MRTFB: variants seen among roughly 807,000 people sequenced by gnomAD.
MRTFB encodes myocardin-related transcription factor B.
MRTFB carries 29 observed loss-of-function variants against 104.2 expected under a neutral mutation model. That is an observed-to-expected ratio of 0.28 (90% CI 0.21 to 0.38). MRTFB has a LOEUF of 0.38. Ranked by LOEUF, MRTFB falls within the 10% of genes least tolerant of loss-of-function variation. The pLI is 1.00. For synonymous variants in MRTFB, 535 were observed against 519.5 expected (o/e 1.03, Z -0.41); for missense variants, 1,270 against 1,341.6 (o/e 0.95, Z 0.83).
chr16:14,072,287 C>G (rs2033753829), intron 1 of MRTFB, among the ~76,000 whole-genome samples: 1 of 152,142 alleles, frequency 6.6e-6, no homozygotes, highest in African/African-American at 2.4e-5. Context: ...CTACACACAT[C>G]CTTGAAAAGC....
chr16:14,139,944 C>T (rs1403354284), intron 2 of MRTFB, among the ~76,000 whole-genome samples: 1 of 152,186 alleles, frequency 6.6e-6, no homozygotes, highest in Non-Finnish European at 1.5e-5. Flanking sequence ...TTTGGTACTT[C>T]TGTTGCTGAT....
the MRTFB span, among the ~76,000 whole-genome samples, chr16:14,033,166 A>G: frequency 6.6e-6 from 1 of 152,090 alleles, no homozygotes; most frequent in African/African-American, 2.4e-5. Flanking sequence ...TTCGGGAGCC[A>G]AGGTGGGAGC....
chr16:14,065,779 C>G, the MRTFB span, among the ~76,000 whole-genome samples: 2 of 152,110 alleles, frequency 1.3e-5, no homozygotes, highest in African/African-American at 4.8e-5. Context: ...TTTTAAGGCT[C>G]TGGTCCACCC....
At chr16:14,163,702 G>A (rs935494297) in intron 3 of MRTFB, among the ~76,000 whole-genome samples, 2 of 151,746 alleles carry the variant, frequency 1.3e-5, no homozygotes, top group Non-Finnish European at 2.9e-5. Flanking sequence ...GTGTGGTGGC[G>A]GGCACCTGTA....
chr16:14,004,016 G>A, the MRTFB span, among the ~76,000 whole-genome samples: 1 of 150,196 alleles, frequency 6.7e-6, no homozygotes, highest in African/African-American at 2.5e-5. Context: ...ATGCGGGTTT[G>A]TGAGACAGTT....
chr16:14,070,958 CT>C (rs1383977292), upstream of MRTFB, among the ~76,000 whole-genome samples: 1 of 152,224 alleles, frequency 6.6e-6, no homozygotes, highest in Non-Finnish European at 1.5e-5. Flanking sequence ...CCGAAGGGGG[CT>C]GTTAAGTGCT....
chr16:14,224,607 A>G (rs528781320), intron 8 of MRTFB, among the ~76,000 whole-genome samples: 38 of 136,722 alleles, frequency 2.8e-4, no homozygotes, highest in Middle Eastern at 3.7e-3. Flanking sequence ...CTGGTCACCT[A>G]CAAGGAATCC....
At chr16:14,167,777 C>T (rs1009293971) in intron 3 of MRTFB, among the ~76,000 whole-genome samples, 3 of 152,116 alleles carry the variant, frequency 2.0e-5, no homozygotes, top group East Asian at 1.9e-4. Flanking sequence ...CTGCAAGCTC[C>T]GCCTCCCAGG....
chr16:14,111,751 C>T (rs962655578), intron 2 of MRTFB, among the ~76,000 whole-genome samples: 3 of 152,158 alleles, frequency 2.0e-5, no homozygotes, highest in Non-Finnish European at 2.9e-5. Context: ...GTCCATTCAT[C>T]GTTCACTCCC....
rs146934673 is a variant in MRTFB at position 14,223,252 on chromosome 16, G to A, written c.693+4254G>A. On this transcript the variant is annotated intron_variant, in intron 8 of 16. Transcript: ENST00000571589. ...CTGAGACAAGGGAGCAGAGGTTGCA[G>A]TGACCCAAGATCATACCACTATACT... Among the ~76,000 whole-genome samples, 603 of 152,194 alleles carry A rather than the reference G, an allele frequency of 4.0e-3. 3 individuals are homozygous for A. The highest frequency in any genetic ancestry group is 0.014 in the African/African-American group (569 of 41,524).
At chr16:14,247,531 C>T in intron 12 of MRTFB, 24 bp downstream of exon 12, 1 of 1,525,264 alleles carries the variant, frequency 6.6e-7, no homozygotes, top group Non-Finnish European at 8.8e-7. Flanking sequence ...CTTCTAACTA[C>T]TTTGCCTTAC....
intron 2 of MRTFB, among the ~76,000 whole-genome samples, chr16:14,112,834 C>G (rs1435742978): frequency 6.6e-6 from 1 of 152,146 alleles, no homozygotes; most frequent in Non-Finnish European, 1.5e-5. Context: ...TCCAGTGTCT[C>G]CATGGACAGA....
At chr16:14,090,888 GT>G (rs2035019199) in intron 2 of MRTFB, among the ~76,000 whole-genome samples, 1 of 149,736 alleles carries the variant, frequency 6.7e-6, no homozygotes, top group Non-Finnish European at 1.5e-5. Flanking sequence ...TGGTGTGTGT[GT>G]GTGTGTGTGT....
intron 10 of MRTFB, among the ~76,000 whole-genome samples, chr16:14,242,661 G>T (rs1181916832): frequency 6.6e-6 from 1 of 152,162 alleles, no homozygotes; most frequent in East Asian, 1.9e-4. Flanking sequence ...ACAATGGGAG[G>T]TCACTGGAGG....
intron 2 of MRTFB, among the ~76,000 whole-genome samples, chr16:14,101,747 A>C (rs986459914): frequency 6.6e-6 from 1 of 152,198 alleles, no homozygotes; most frequent in South Asian, 2.1e-4. Flanking sequence ...TCCCACTGAA[A>C]ACTTAGGGTC....
At chr16:14,243,174 T>C (rs938298003) in intron 10 of MRTFB, among the ~76,000 whole-genome samples, 3 of 152,220 alleles carry the variant, frequency 2.0e-5, no homozygotes, top group African/African-American at 7.2e-5. Flanking sequence ...TTATAAAGGA[T>C]AATAATGATG....
At position 14,252,407 on chromosome 16, in the gene MRTFB, T is replaced by A; in HGVS notation, c.2608T>A (p.Ser870Thr). Residue 870 changes from serine to threonine, a missense_variant, in exon 15 of 17, where the codon TCT becomes ACT. This residue lies in a region of MRTFB where 1,144 missense variants were observed against 1,131.5 expected (regional missense o/e 1.01). Coordinates refer to ENST00000571589, the MANE Select transcript of MRTFB (RefSeq NM_001308142.2). ...ACCCCAGCAATTTGTCGTCCAGCAC[T>A]CTCTATTTGGGAGTCCAGTCGCCAA... Reference protein sequence around the residue: ...PPPQQFVVQHSLFGSPVAKTK... With the variant: ...PPPQQFVVQHTLFGSPVAKTK... 1.2e-6 allele frequency: 2 copies of A among 1,613,226 alleles called. No individual in the cohort carries two copies. Among genetic ancestry groups the A allele is most frequent in the South Asian group, 2.2e-5 (2 of 91,004 alleles).
Position 14,227,605 on chromosome 16 carries a change from A to G in MRTFB, c.694-6541A>G, listed in dbSNP as rs189423248. Among the ~76,000 whole-genome samples the G allele has an allele frequency of 4.4e-3, 664 of 152,184 alleles. 3 individuals carry two copies. The highest frequency in any genetic ancestry group is 0.015 in the African/African-American group (635 of 41,524). On this transcript the variant is annotated intron_variant, in intron 8 of 16. Coordinates refer to ENST00000571589, the MANE Select transcript of MRTFB (RefSeq NM_001308142.2). ...CGGCTCACTACAACCTCCACCTCCC[A>G]GGTTCAAGGGATTCTCCTGCCTCAG... is the stretch of plus-strand genomic sequence containing the variant.
At chr16:13,998,871 CAAAAAAAAAAAAAAAAAAAAAA>C in the MRTFB span, among the ~76,000 whole-genome samples, 131 of 29,686 alleles carry the variant, frequency 4.4e-3, 2 homozygotes, top group East Asian at 0.053. Context: ...GACTCTGTTT[CAAAAAAAAAAAAAAAAAAAAAA>C]AAAAAAAAAA....
Sources: allele counts gnomAD v4.1 joint callset (sites outside exome capture counted in the v4.1 genomes callset), GRCh38; gene constraint gnomAD v4.1.1; regional missense constraint gnomAD v4.1.1; transcripts MANE v1.5; gene names NCBI Gene and HGNC (gene_info 2026-07-23, HGNC 2026-07-21).